Variants in NTRK1 observed in about 807,000 individuals in gnomAD.
NTRK1 encodes neurotrophic receptor tyrosine kinase 1, also known as high affinity nerve growth factor receptor.
In NTRK1, 62 loss-of-function variants were observed where a neutral mutation model predicts 86.8. The ratio of observed to expected loss-of-function variants is 0.71; its 90% CI spans 0.58 to 0.88. NTRK1 has a LOEUF of 0.88. Ranked by LOEUF, NTRK1 falls within the 40% of genes least tolerant of loss-of-function variation. The pLI is 0.00. For synonymous variants in NTRK1, 469 were observed against 456.6 expected (o/e 1.03, Z -0.35); for missense variants, 967 against 1,078.4 (o/e 0.90, Z 1.45).
chr1:156,844,987 G>A (rs1167500885), intron 2 of NTRK1: 2 of 1,532,116 alleles, frequency 1.3e-6, no homozygotes, highest in Non-Finnish European at 1.8e-6. Flanking sequence ...GCGAGGCTCT[G>A]GGGTTAGCGA....
At chr1:156,816,070 G>C (rs752881064) in intron 1 of NTRK1, 2 of 1,613,996 alleles carry the variant, frequency 1.2e-6, no homozygotes, top group Admixed American at 3.3e-5. Flanking sequence ...GGTGCTGAAG[G>C]TTGGGATGGG....
intron 1 of NTRK1, among the ~76,000 whole-genome samples, chr1:156,830,282 G>A (rs1654434691): frequency 6.6e-6 from 1 of 152,244 alleles, no homozygotes; most frequent in Non-Finnish European, 1.5e-5. Context: ...AACAGAGGGG[G>A]CTGTCTTGGA....
chr1:156,821,886 C>G (rs1374287236), intron 1 of NTRK1, among the ~76,000 whole-genome samples: 1 of 152,226 alleles, frequency 6.6e-6, no homozygotes, highest in African/African-American at 2.4e-5. Flanking sequence ...GTTTCATCCT[C>G]TGGACCTTGA....
chr1:156,879,673 G>A (rs549038858), intron 15 of NTRK1, among the ~76,000 whole-genome samples: 32 of 152,226 alleles, frequency 2.1e-4, no homozygotes, highest in East Asian at 7.7e-4. Flanking sequence ...GCAGTGGCAC[G>A]ATCTCGGCTC....
chr1:156,859,380 C>T (rs928924869), upstream of NTRK1, among the ~76,000 whole-genome samples: 2 of 152,150 alleles, frequency 1.3e-5, no homozygotes, highest in African/African-American at 4.8e-5. The surrounding 1 kb of genome is among the most constrained non-coding windows in gnomAD (Gnocchi z 6.2). Context: ...AGGCTTCTTC[C>T]AAGTGGGGCT....
upstream of NTRK1, among the ~76,000 whole-genome samples, chr1:156,856,823 C>T (rs924480289): frequency 2.6e-5 from 4 of 152,156 alleles, no homozygotes; most frequent in African/African-American, 7.2e-5. Context: ...GGGTGTGTCT[C>T]GCTTCTTCAC....
chr1:156,844,198 A>G, intron 2 of NTRK1: 1 of 1,613,832 alleles, frequency 6.2e-7, no homozygotes, highest in Non-Finnish European at 8.5e-7. Context: ...AGAAGAAACC[A>G]AGGGCAGCAA....
rs370836330 is a variant in NTRK1 at position 156,816,670 on chromosome 1, C to G, written c.-64+832C>G. On this transcript the variant is annotated intron_variant, in intron 1 of 16. Coordinates refer to the NTRK1 transcript ENST00000392302. ...CCCACCCATATCCTTCAACTTCACA[C>G]TTACCTTGGGGACATATCTGGGCCA... 5.5e-5 allele frequency: 88 copies of G among 1,602,142 alleles called. No homozygotes were observed. In the African/African-American group the frequency reaches 1.1e-3, roughly 19 times the overall value.
intron 2 of NTRK1, chr1:156,848,856 G>A: frequency 6.6e-7 from 1 of 1,521,794 alleles, no homozygotes; most frequent in Non-Finnish European, 8.9e-7. Flanking sequence ...TCACCTGCCT[G>A]TGGTCCCGAA....
chr1:156,841,752 C>A lies in NTRK1; in HGVS notation c.-63-329C>A, dbSNP rs1039215180. The stretch of plus-strand genomic sequence containing the variant: ...GGGCAGCAGCCCCTTCCCACCCTTG[C>A]GGTAATAGTCTGTCTCATACACGTC... On this transcript the variant is annotated intron_variant, in intron 1 of 16. Coordinates refer to the NTRK1 transcript ENST00000392302. 5 of 1,613,990 alleles carry A rather than the reference C, an allele frequency of 3.1e-6. No homozygotes were observed. The Admixed American group carries it at 5.0e-5, about 16-fold the overall frequency.
At chr1:156,841,845 A>C (rs1490895712) in intron 1 of NTRK1, 1 of 1,613,840 alleles carries the variant, frequency 6.2e-7, no homozygotes, top group Admixed American at 1.7e-5. Flanking sequence ...AGAGCCACGC[A>C]CTAGCTCCTG....
At chr1:156,875,841 C>T (rs2102916311) in intron 12 of NTRK1, 175 bp downstream of exon 12, 1 of 1,122,408 alleles carries the variant, frequency 8.9e-7, no homozygotes, top group East Asian at 2.6e-5. Flanking sequence ...TCCAGCCTGG[C>T]TCTTAGCTGC....
Position 156,876,453 on chromosome 1 carries a change from G to A in NTRK1, c.1686G>A (p.Glu562=), listed in dbSNP as rs2102919353. The change falls in exon 14 of 17, where the codon GAG becomes GAA. Residue 562 remains glutamate (E), a synonymous_variant. Transcript: ENST00000524377. ...GGCAGGACTTCCAGCGTGAGGCTGA[G>A]CTGCTCACCATGCTGCAGCACCAGC... ...SARQDFQREA[E]LLTMLQHQHI... The A allele has an allele frequency of 6.2e-7, 1 of 1,613,888 alleles. No individual in the cohort carries two copies. The highest frequency in any genetic ancestry group is 8.5e-7 in the Non-Finnish European group (1 of 1,180,026).
At chr1:156,860,185 A>G (rs1410635058), upstream of NTRK1, among the ~76,000 whole-genome samples, 1 of 152,224 alleles carries the variant, frequency 6.6e-6, no homozygotes, top group African/African-American at 2.4e-5. Flanking sequence ...GGCGTTGCTC[A>G]CTGGGGGCTG....
chr1:156,849,513 G>GGGGGGGGGGGC, intron 2 of NTRK1: 12 of 486,114 alleles, frequency 2.5e-5, no homozygotes, highest in East Asian at 5.4e-5. Context: ...CAGGGGGTGG[G>GGGGGGGGGGGC]AAAGGGGATG....
At chr1:156,851,808 G>A in intron 2 of NTRK1, 5 of 1,599,968 alleles carry the variant, frequency 3.1e-6, no homozygotes, top group East Asian at 2.2e-5. Flanking sequence ...GCAAGCAGAT[G>A]TCCTGAGCCT....
intron 4 of NTRK1, among the ~76,000 whole-genome samples, chr1:156,867,294 G>A (rs1655983479): frequency 6.6e-6 from 1 of 152,222 alleles, no homozygotes; most frequent in South Asian, 2.1e-4. Flanking sequence ...GGTGAGTGGG[G>A]CAGCAGGGGT....
rs1178977623 is a variant in NTRK1, at chr1:156,876,531, C to T, written c.1764C>T (p.Val588=). 1 of 1,613,362 alleles carries T rather than the reference C, an allele frequency of 6.2e-7. No homozygotes were observed. Among genetic ancestry groups the T allele is most frequent in the Non-Finnish European group, 8.5e-7 (1 of 1,180,004 alleles). ...CCGAGGGCCGCCCCCTGCTCATGGT[C>T]TTTGAGTATATGCGGCACGGGGACC... ...VCTEGRPLLM[V]FEYMRHGDLN... is the part of the protein sequence containing the mutation. The change falls in exon 14 of 17, where the codon GTC becomes GTT. Residue 588 remains valine (V), a synonymous_variant. Coordinates refer to ENST00000524377, the MANE Select transcript of NTRK1 (RefSeq NM_002529.4).
chr1:156,876,112 C>T lies in NTRK1; in HGVS notation c.1534C>T (p.Leu512Phe), dbSNP rs2102917310. 6.2e-7 allele frequency: 1 copy of T among 1,614,234 alleles called. No individual in the cohort carries two copies. Among genetic ancestry groups the T allele is most frequent in the African/African-American group, 1.3e-5 (1 of 75,062 alleles). The change falls in exon 13 of 17, where the codon CTC (leucine) becomes TTC (phenylalanine). Residue 512 changes from leucine (L) to phenylalanine (F), a missense_variant. Physicochemically the swap from Leu to Phe is conservative, Grantham distance 22. Around this residue, in one of 2 missense-constraint regions of NTRK1, gnomAD observed 637 missense variants for 776.5 expected, o/e 0.82. Coordinates refer to ENST00000524377, the MANE Select transcript of NTRK1 (RefSeq NM_002529.4). ...VHHIKRRDIV[L>F]KWELGEGAFG... ...CCACATCAAGCGCCGGGACATCGTG[C>T]TCAAGTGGGAGCTGGGGGAGGGCGC...
Sources: gnomAD v4.1 joint callset for allele counts (sites outside exome capture counted in the v4.1 genomes callset) on GRCh38, gnomAD v4.1.1 for gene constraint, gnomAD v4.1.1 regional missense constraint, Gnocchi (gnomAD v3.1) non-coding constraint, MANE v1.5 for transcripts, NCBI Gene and HGNC (gene_info 2026-07-23, HGNC 2026-07-21) for gene names.